DLG2: variants seen among roughly 807,000 people sequenced by gnomAD.
The protein encoded by DLG2 is disks large homolog 2.
DLG2 carries 45 observed loss-of-function variants against 132.5 expected under a neutral mutation model. The ratio of observed to expected loss-of-function variants is 0.34; its 90% confidence interval spans 0.27 to 0.44. The LOEUF (loss-of-function observed/expected upper bound fraction) is 0.44, where lower values mean the gene tolerates loss of function less well. Among genes scored for constraint, DLG2 ranks in the 20% least tolerant of loss-of-function variants. DLG2 has a pLI of 1.00. For synonymous variants in DLG2, 424 were observed against 419.6 expected (o/e 1.01, Z -0.13); for missense variants, 1,045 against 1,196.9 (o/e 0.87, Z 1.87).
At chr11:85,381,097 A>G (rs747480620) in intron 3 of DLG2, among the ~76,000 whole-genome samples, 1 of 152,236 alleles carries the variant, frequency 6.6e-6, no homozygotes, top group East Asian at 1.9e-4. Flanking sequence ...CTGCTTCAGT[A>G]TAAGAGATAC....
rs370364379 is a variant in DLG2, at chr11:85,382,598, A to G, written c.41-97233T>C. On this transcript the variant is annotated intron_variant, in intron 3 of 27. Transcript: ENST00000376104. ...AAATAACATTTGCAAGTCATTTTTGATAAGGGTTTATTATTGAGATATCTA... is the reference window on the plus strand; with the variant it reads ...AAATAACATTTGCAAGTCATTTTTGGTAAGGGTTTATTATTGAGATATCTA... Among the ~76,000 whole-genome samples the G allele has an allele frequency of 5.3e-5, 8 of 152,224 alleles. No individual in the cohort carries two copies. In the East Asian group the frequency reaches 1.3e-3, roughly 26 times the overall value.
chr11:85,156,477 C>T (rs2077595073), intron 4 of DLG2, among the ~76,000 whole-genome samples: 2 of 152,098 alleles, frequency 1.3e-5, no homozygotes, highest in Non-Finnish European at 2.9e-5. Flanking sequence ...TCAGGCTCAA[C>T]CACTTTGGGA....
intron 11 of DLG2, among the ~76,000 whole-genome samples, chr11:84,050,614 A>G (rs1196153944): frequency 2.0e-5 from 3 of 151,946 alleles, no homozygotes; most frequent in Non-Finnish European, 2.9e-5. Context: ...CCTGAATGGT[A>G]TTGCCTAGGT....
At chr11:85,068,631 A>G (rs1031763742) in intron 6 of DLG2, among the ~76,000 whole-genome samples, 10 of 152,164 alleles carry the variant, frequency 6.6e-5, no homozygotes, top group Admixed American at 4.6e-4. Flanking sequence ...ACTACAAACC[A>G]CTGCTCAAGG....
At chr11:83,543,835 C>G (rs2096158074) in intron 19 of DLG2, among the ~76,000 whole-genome samples, 1 of 152,176 alleles carries the variant, frequency 6.6e-6, no homozygotes, top group South Asian at 2.1e-4. Flanking sequence ...AGGCCTGAGA[C>G]TGCTGTTCTT....
At chr11:83,805,504 T>C (rs932318906) in intron 17 of DLG2, among the ~76,000 whole-genome samples, 8 of 152,098 alleles carry the variant, frequency 5.3e-5, no homozygotes, top group Non-Finnish European at 1.0e-4. Context: ...TATAGCATGA[T>C]ATTATATCTC....
intron 7 of DLG2, 57 bp downstream of exon 7, chr11:84,534,513 G>C: frequency 1.3e-6 from 2 of 1,536,426 alleles, no homozygotes; most frequent in South Asian, 2.3e-5. Context: ...ATCTCCATTA[G>C]CAATTAAGAC....
intron 3 of DLG2, among the ~76,000 whole-genome samples, chr11:85,325,677 CA>C (rs2081415100): frequency 1.4e-5 from 1 of 71,492 alleles, no homozygotes; most frequent in African/African-American, 5.3e-5. Context: ...GGGGAAAAAA[CA>C]GAACAGAAAA....
At chr11:83,851,141 T>C (rs2059683571) in intron 16 of DLG2, among the ~76,000 whole-genome samples, 2 of 149,052 alleles carry the variant, frequency 1.3e-5, no homozygotes, top group East Asian at 2.0e-4. Flanking sequence ...CGCGGCACTG[T>C]ACTCCAGCCT....
chr11:83,804,983 G>A (rs1291296848), intron 17 of DLG2, among the ~76,000 whole-genome samples: 3 of 151,996 alleles, frequency 2.0e-5, no homozygotes, highest in Non-Finnish European at 4.4e-5. Context: ...CTTATAGAGT[G>A]TTCTGCATTT....
At chr11:85,154,500 C>A (rs1280190193) in intron 5 of DLG2, 56 bp downstream of exon 5, 2 of 879,866 alleles carry the variant, frequency 2.3e-6, no homozygotes, top group Admixed American at 5.2e-5. Context: ...CCACAAAGAA[C>A]AAGACAAGTC....
intron 7 of DLG2, among the ~76,000 whole-genome samples, chr11:84,403,675 T>C (rs1186215981): frequency 6.6e-6 from 1 of 152,226 alleles, no homozygotes; most frequent in Non-Finnish European, 1.5e-5. Flanking sequence ...CATAGTTAAA[T>C]GTCCAAACTC....
intron 6 of DLG2, among the ~76,000 whole-genome samples, chr11:84,810,689 C>T (rs573745822): frequency 1.3e-5 from 2 of 152,060 alleles, no homozygotes; most frequent in African/African-American, 2.4e-5. Context: ...CCTGAAATAA[C>T]TCAGACAACC....
chr11:85,348,628 C>G (rs961481060), intron 3 of DLG2, among the ~76,000 whole-genome samples: 4 of 152,054 alleles, frequency 2.6e-5, no homozygotes, highest in East Asian at 3.9e-4. Flanking sequence ...CTCTTTCCCC[C>G]CTCCATGATT....
intron 6 of DLG2, among the ~76,000 whole-genome samples, chr11:84,556,324 A>G (rs2154525156): frequency 6.6e-6 from 1 of 152,138 alleles, no homozygotes; most frequent in East Asian, 1.9e-4. Context: ...ACCCCCAGTT[A>G]TTTTTTGTAA....
chr11:85,026,367 C>T (rs771950451), intron 6 of DLG2, among the ~76,000 whole-genome samples: 25 of 151,684 alleles, frequency 1.6e-4, no homozygotes, highest in Non-Finnish European at 2.8e-4. Context: ...AAGGAAGATA[C>T]GTAAATTAAA....
intron 18 of DLG2, among the ~76,000 whole-genome samples, chr11:83,774,072 G>A (rs2094496943): frequency 6.6e-6 from 1 of 152,170 alleles, no homozygotes; most frequent in Non-Finnish European, 1.5e-5. Flanking sequence ...GGGCCAGGTT[G>A]TCTCCTCCTA....
In DLG2 at chr11:83,853,553, C is replaced by G. The variant is rs1271804677; in HGVS notation, c.1566-19783G>C. 2.0e-5 allele frequency among the ~76,000 whole-genome samples: 3 copies of G among 152,114 alleles called. 1 individual carries two copies. Among genetic ancestry groups the G allele is most frequent in the Non-Finnish European group, 1.5e-5 (1 of 67,988 alleles). On this transcript the variant is annotated intron_variant, in intron 16 of 27. Coordinates refer to ENST00000376104, the MANE Select transcript of DLG2 (RefSeq NM_001142699.3). ...AAACTAGAAATTATAAGCCAGAACACTAAAGTTATAATCTTGTACAATAAA... is the reference window on the plus strand; with the variant it reads ...AAACTAGAAATTATAAGCCAGAACAGTAAAGTTATAATCTTGTACAATAAA...
At chr11:85,196,733 A>G (rs1262865606) in intron 4 of DLG2, among the ~76,000 whole-genome samples, 1 of 152,236 alleles carries the variant, frequency 6.6e-6, no homozygotes, top group Non-Finnish European at 1.5e-5. Flanking sequence ...AAGTGCTTTA[A>G]GAACATATAT....
Sources: gnomAD v4.1 joint callset for allele counts (sites outside exome capture counted in the v4.1 genomes callset) on GRCh38, gnomAD v4.1.1 for gene constraint, MANE v1.5 for transcripts, NCBI Gene and HGNC (gene_info 2026-07-23, HGNC 2026-07-21) for gene names.